Variants in BPIFB1 observed in about 807,000 individuals in gnomAD.
BPIFB1 encodes the protein BPI fold-containing family B member 1.
BPIFB1 carries 34 observed loss-of-function variants against 55.1 expected under a neutral mutation model. The ratio of observed to expected loss-of-function variants is 0.62; its 90% CI spans 0.47 to 0.82. BPIFB1 has a LOEUF of 0.82. Ranked by LOEUF, BPIFB1 falls within the 40% of genes least tolerant of loss-of-function variation. BPIFB1 has a pLI of 0.00. For synonymous variants in BPIFB1, 236 were observed against 245.3 expected (o/e 0.96, Z 0.35); for missense variants, 532 against 593.1 (o/e 0.90, Z 1.07).
intron 13 of BPIFB1, among the ~76,000 whole-genome samples, chr20:33,305,275 G>C (rs962659175): frequency 9.2e-5 from 13 of 141,982 alleles, no homozygotes; most frequent in Non-Finnish European, 2.0e-4. Context: ...AGTCTGGCGT[G>C]TTTTCTCTGG....
intron 3 of BPIFB1, among the ~76,000 whole-genome samples, chr20:33,289,500 T>C (rs930548036): frequency 1.3e-5 from 2 of 151,726 alleles, no homozygotes; most frequent in African/African-American, 4.8e-5. Context: ...GACTCAATGC[T>C]CACCAGGAGA....
chr20:33,307,236 CAGT>C (rs1981061758), intron 15 of BPIFB1: 1 of 489,336 alleles, frequency 2.0e-6, no homozygotes, highest in African/African-American at 1.9e-5. Context: ...TTCATTCATT[CAGT>C]AATTCACTAA....
chr20:33,306,199 C>T (rs1981021946), intron 14 of BPIFB1, 134 bp downstream of exon 14: 2 of 998,980 alleles, frequency 2.0e-6, no homozygotes, highest in African/African-American at 3.2e-5. Flanking sequence ...AAATCTGCCT[C>T]CTCCCAAGAA....
chr20:33,305,932 C>G, intron 13 of BPIFB1, 70 bp from the exon 14 acceptor site: 1 of 1,548,224 alleles, frequency 6.5e-7, no homozygotes, highest in Middle Eastern at 1.7e-4. Context: ...GGAGCCACAC[C>G]CACGAAGAAT....
chr20:33,286,212 G>A (rs370824180), intron 2 of BPIFB1, 24 bp downstream of exon 2: 2 of 1,606,868 alleles, frequency 1.2e-6, no homozygotes, highest in African/African-American at 1.3e-5. Context: ...CTCCGGAGCT[G>A]GCTGCCATAA....
intron 7 of BPIFB1, among the ~76,000 whole-genome samples, chr20:33,298,176 C>G (rs4911314): frequency 0.25 from 37,334 of 152,000 alleles, 4,692 homozygotes; most frequent in Admixed American, 0.33. Flanking sequence ...TTCTATCCAT[C>G]TCGTTGCAGT....
intron 10 of BPIFB1, 149 bp from the exon 11 acceptor site, chr20:33,302,767 C>G: frequency 1.2e-6 from 1 of 863,526 alleles, no homozygotes; most frequent in Non-Finnish European, 1.8e-6. Flanking sequence ...AACAACACAA[C>G]ATTCAAGGAT....
At chr20:33,287,530 T>C (rs961132853) in intron 2 of BPIFB1, among the ~76,000 whole-genome samples, 3 of 151,766 alleles carry the variant, frequency 2.0e-5, no homozygotes, top group African/African-American at 7.3e-5. Flanking sequence ...ATGGAGGGGG[T>C]AGCCAAGGAC....
At chr20:33,293,413 C>T (rs1012126333) in intron 6 of BPIFB1, among the ~76,000 whole-genome samples, 9 of 152,136 alleles carry the variant, frequency 5.9e-5, no homozygotes, top group African/African-American at 2.2e-4. Context: ...GTTTCAAAGT[C>T]ATTATACAAT....
At chr20:33,305,316 C>CT (rs34490442) in intron 13 of BPIFB1, among the ~76,000 whole-genome samples, 56,489 of 106,146 alleles carry the variant, frequency 0.53, 16,332 homozygotes, top group East Asian at 0.74. Context: ...CTATTTTTGA[C>CT]TTTTTTTTTT....
intron 6 of BPIFB1, among the ~76,000 whole-genome samples, chr20:33,295,309 A>G (rs554090491): frequency 2.0e-5 from 3 of 151,592 alleles, no homozygotes; most frequent in East Asian, 3.9e-4. Flanking sequence ...AGATGCATGG[A>G]AAAAAATCTA....
chr20:33,292,767 T>C (rs889502272), intron 6 of BPIFB1, among the ~76,000 whole-genome samples: 5 of 152,236 alleles, frequency 3.3e-5, no homozygotes, highest in African/African-American at 9.6e-5. Context: ...ACAGGTATAC[T>C]AAAACTTTGT....
intron 10 of BPIFB1, 58 bp downstream of exon 10, chr20:33,302,470 C>G: frequency 6.4e-7 from 1 of 1,568,958 alleles, no homozygotes; most frequent in South Asian, 1.1e-5. Flanking sequence ...GGACACAGGC[C>G]TCTGGGGAGG....
At position 33,304,043 on chromosome 20, in the gene BPIFB1, C is replaced by T; in HGVS notation, c.1208+18C>T. On this transcript the variant is annotated intron_variant, in intron 12 of 15. Coordinates refer to ENST00000253354, the MANE Select transcript of BPIFB1 (RefSeq NM_033197.3). ...AACATCAGGTAAACACACAAATCAT[C>T]ATGAAGATTCTGCTGATGGAAATGA... is the stretch of plus-strand genomic sequence containing the variant. 6.2e-7 allele frequency: 1 copy of T among 1,604,672 alleles called. No homozygotes were observed. The highest frequency in any genetic ancestry group is 1.1e-5 in the South Asian group (1 of 89,790).
chr20:33,290,354 G>GA (rs1035548329), intron 4 of BPIFB1, among the ~76,000 whole-genome samples: 2 of 152,104 alleles, frequency 1.3e-5, no homozygotes, highest in Admixed American at 6.5e-5. Context: ...CTGCTGTGGG[G>GA]AAAAAAGACT....
rs1981149346 is a variant in BPIFB1 at position 33,309,129 on chromosome 20, C to A, written c.1396-579C>A. 6.6e-6 allele frequency among the ~76,000 whole-genome samples: 1 copy of A among 152,126 alleles called. No homozygotes were observed. The highest frequency in any genetic ancestry group is 6.5e-5 in the Admixed American group (1 of 15,272). ...AGCAAATGACTCTCCGTGGCATCTG[C>A]TGGGGAGAGGATCTATGGCAGTGTC... is the stretch of plus-strand genomic sequence containing the variant. On this transcript the variant is annotated intron_variant, in intron 15 of 15. Transcript: ENST00000253354. The surrounding 1 kb of genome is among the most constrained non-coding windows in gnomAD (Gnocchi z 4.4).
At chr20:33,292,255 T>C (rs984413993) in intron 6 of BPIFB1, among the ~76,000 whole-genome samples, 4 of 151,974 alleles carry the variant, frequency 2.6e-5, no homozygotes, top group African/African-American at 9.7e-5. Context: ...TCTGGAGGGG[T>C]TGTTGAAGGG....
intron 15 of BPIFB1, among the ~76,000 whole-genome samples, chr20:33,308,479 C>T (rs532553843): frequency 1.3e-4 from 20 of 151,368 alleles, no homozygotes; most frequent in East Asian, 3.9e-4. Flanking sequence ...CCTTTATACA[C>T]CTATACACAT....
chr20:33,305,935 C>T lies in BPIFB1; in HGVS notation c.1255-67C>T, dbSNP rs574013791. 46 of 1,564,776 alleles carry T rather than the reference C, an allele frequency of 2.9e-5. 1 individual carries two copies. Among genetic ancestry groups the T allele is most frequent in the East Asian group, 2.0e-4 (9 of 44,630 alleles). On this transcript the variant is annotated intron_variant, in intron 13 of 15. Transcript: ENST00000253354. ...CACCCATGGGGAGGAGCCACACCCA[C>T]GAAGAATGATGGGGGGGAACTTCAG...
Sources: gnomAD v4.1 joint callset for allele counts (sites outside exome capture counted in the v4.1 genomes callset) on GRCh38, gnomAD v4.1.1 for gene constraint, Gnocchi (gnomAD v3.1) non-coding constraint, MANE v1.5 for transcripts, NCBI Gene and HGNC (gene_info 2026-07-23, HGNC 2026-07-21) for gene names.